Variants in FBXO5 observed in about 807,000 individuals in gnomAD.
FBXO5 encodes the protein F-box only protein 5.
In FBXO5, 8 loss-of-function variants were observed where a neutral mutation model predicts 43.3. The ratio of observed to expected loss-of-function variants is 0.18; its 90% confidence interval spans 0.11 to 0.33. FBXO5 has a LOEUF of 0.33. Ranked by LOEUF, FBXO5 falls within the 10% of genes least tolerant of loss-of-function variation. The probability of loss-of-function intolerance (pLI) is 1.00; values close to 1 mark genes in which losing one functional copy is unlikely to be tolerated. For missense variants in FBXO5, 491 were observed against 535.7 expected (o/e 0.92, Z 0.82); for synonymous variants, 204 against 193.7 (o/e 1.05, Z -0.44).
chr6:152,980,945 A>G (rs1180715398), intron 1 of FBXO5, among the ~76,000 whole-genome samples: 1 of 152,226 alleles, frequency 6.6e-6, no homozygotes, highest in African/African-American at 2.4e-5. Context: ...GGTCTAGTCA[A>G]TACAATCTAT....
Position 152,971,307 on chromosome 6 carries a change from G to A in FBXO5, c.1200C>T (p.Gly400=), listed in dbSNP as rs1261600200. ...YLQRATCKRE[G]CGFDYCTKCL... is the part of the protein sequence containing the mutation. Reference sequence around the variant, plus strand: ...ACTTCGTACAATAATCAAATCCACAGCCTTCTCGTTTGCAGGTTGCCCGTT... The same window carrying A: ...ACTTCGTACAATAATCAAATCCACAACCTTCTCGTTTGCAGGTTGCCCGTT... The change falls in exon 5 of 5, where the codon GGC becomes GGT. Residue 400 remains glycine, a synonymous_variant. Transcript: ENST00000229758. The A allele has an allele frequency of 6.2e-7, 1 of 1,613,914 alleles. No individual in the cohort carries two copies. The highest frequency in any genetic ancestry group is 1.7e-5 in the Admixed American group (1 of 59,994).
chr6:152,974,927 G>C lies in FBXO5; in HGVS notation c.798C>G (p.Leu266=). 1 of 1,602,778 alleles carries C rather than the reference G, an allele frequency of 6.2e-7. No homozygotes were observed. The highest frequency in any genetic ancestry group is 8.5e-7 in the Non-Finnish European group (1 of 1,175,798). The change falls in exon 2 of 5, where the codon CTC becomes CTG. Residue 266 remains leucine (L), a synonymous_variant. Coordinates refer to ENST00000229758, the MANE Select transcript of FBXO5 (RefSeq NM_012177.5). Reference sequence around the variant, plus strand: ...CTTACTTGATTAAGTCCATGTCACTGAGTTGTGCTAAAATAGTTGCTAAGA... The same window carrying C: ...CTTACTTGATTAAGTCCATGTCACTCAGTTGTGCTAAAATAGTTGCTAAGA... ...RHVLATILAQ[L]SDMDLINVSK...
chr6:152,971,655 A>G (rs575171678), intron 4 of FBXO5, among the ~76,000 whole-genome samples: 1 of 152,294 alleles, frequency 6.6e-6, no homozygotes, highest in Admixed American at 6.5e-5. Flanking sequence ...AAATTTAAGA[A>G]TAGTTTTATT....
At chr6:152,972,899 T>C (rs1046582844) in intron 3 of FBXO5, 147 bp downstream of exon 3, 1 of 477,616 alleles carries the variant, frequency 2.1e-6, no homozygotes, top group African/African-American at 2.5e-5. Context: ...TTTCTTTATT[T>C]TTGAATGTGG....
rs778056354 is a variant in FBXO5, at chr6:152,972,281, T to G, written c.1083A>C (p.Glu361Asp). 5 of 1,606,606 alleles carry G rather than the reference T, an allele frequency of 3.1e-6. No homozygotes were observed. Among genetic ancestry groups the G allele is most frequent in the Non-Finnish European group, 3.4e-6 (4 of 1,175,762 alleles). ...TTAGACAAAAAATTACCTCAGAGAATTCATTGTGTCGACTATAAGTAGAAC... is the reference window on the plus strand; with the variant it reads ...TTAGACAAAAAATTACCTCAGAGAAGTCATTGTGTCGACTATAAGTAGAAC... ...QKGSTYSRHNEFSEVAKTLKK... is the reference protein window; with the variant it reads ...QKGSTYSRHNDFSEVAKTLKK... Residue 361 changes from glutamate (E) to aspartate (D), a missense_variant, in exon 4 of 5, where the codon GAA becomes GAC. Physicochemically the swap from Glu to Asp is conservative, Grantham distance 45. Coordinates refer to ENST00000229758, the MANE Select transcript of FBXO5 (RefSeq NM_012177.5).
At chr6:152,983,098 G>T (rs914424439), upstream of FBXO5, 4 of 486,762 alleles carry the variant, frequency 8.2e-6, no homozygotes, top group East Asian at 1.4e-4. Flanking sequence ...GCCTAAATCC[G>T]CGCGGTCCAA....
chr6:152,983,332 T>C (rs1365626892), upstream of FBXO5: 1 of 200,082 alleles, frequency 5.0e-6, no homozygotes, highest in Non-Finnish European at 1.0e-5. Flanking sequence ...CTATCACGCA[T>C]GCGTGCGCCC....
At chr6:152,976,165 T>C (rs546058630) in intron 1 of FBXO5, among the ~76,000 whole-genome samples, 1 of 152,174 alleles carries the variant, frequency 6.6e-6, no homozygotes, top group Admixed American at 6.5e-5. Flanking sequence ...GAGGACAAGG[T>C]ATAAGGGTGG....
upstream of FBXO5, chr6:152,983,358 G>T (rs1778299175): frequency 1.1e-5 from 2 of 178,172 alleles, no homozygotes; most frequent in Non-Finnish European, 2.3e-5. Context: ...GATTCCTTCC[G>T]CCGTCTTCTG....
At chr6:152,972,878 T>A in intron 3 of FBXO5, 168 bp downstream of exon 3, 1 of 458,992 alleles carries the variant, frequency 2.2e-6, no homozygotes, top group Non-Finnish European at 3.8e-6. Context: ...GAAATAAATG[T>A]TGAGTTGAGA....
chr6:152,975,598 G>A lies in FBXO5; in HGVS notation c.127C>T (p.Leu43Phe), dbSNP rs147301320. 3.0e-5 allele frequency: 48 copies of A among 1,600,714 alleles called. No homozygotes were observed. Among genetic ancestry groups the A allele is most frequent in the Non-Finnish European group, 4.0e-5 (47 of 1,176,692 alleles). Residue 43 changes from leucine to phenylalanine, a missense_variant, in exon 2 of 5, where the codon CTT becomes TTT. Coordinates refer to ENST00000229758, the MANE Select transcript of FBXO5 (RefSeq NM_012177.5). ...AAATCACACTTCATTTTGACAGAAA[G>A]GGTAGAACTTTCTTCTTTACAACCT... ...SDSCKEESST[L>F]SVKMKCDFNC...
At chr6:152,979,298 T>G (rs1778227379) in intron 1 of FBXO5, among the ~76,000 whole-genome samples, 1 of 152,208 alleles carries the variant, frequency 6.6e-6, no homozygotes. Context: ...CTATGACAAT[T>G]TCCTTGTTTA....
Position 152,974,994 on chromosome 6 carries a change from A to C in FBXO5, c.731T>G (p.Val244Gly). The change falls in exon 2 of 5, where the codon GTA (valine) becomes GGA (glycine). Residue 244 changes from valine (V) to glycine (G), a missense_variant. Transcript: ENST00000229758. Reference sequence around the variant, plus strand: ...TCGAAAGAGTTCGCTGAGAATATCTACACATTCTAGGCCCATTTTTCTGCC... The same window carrying C: ...TCGAAAGAGTTCGCTGAGAATATCTCCACATTCTAGGCCCATTTTTCTGCC... ...IIGRKMGLEC[V>G]DILSELFRRG... 1 of 1,614,088 alleles carries C rather than the reference A, an allele frequency of 6.2e-7. No homozygotes were observed. The highest frequency in any genetic ancestry group is 8.5e-7 in the Non-Finnish European group (1 of 1,180,014).
chr6:152,975,745 TG>T, intron 1 of FBXO5, 124 bp from the exon 2 acceptor site: 1 of 613,268 alleles, frequency 1.6e-6, no homozygotes, highest in Non-Finnish European at 2.8e-6. Flanking sequence ...TACATGTACT[TG>T]CTTACATAGC....
intron 1 of FBXO5, among the ~76,000 whole-genome samples, chr6:152,979,084 A>G (rs1778221169): frequency 6.6e-6 from 1 of 152,238 alleles, no homozygotes; most frequent in African/African-American, 2.4e-5. Context: ...AGGATAGTGC[A>G]GAATTCCTGT....
In FBXO5 at chr6:152,982,881, C is replaced by T; in HGVS notation, c.79G>A (p.Ala27Thr). The T allele has an allele frequency of 1.3e-6, 2 of 1,512,112 alleles. No individual in the cohort carries two copies. The highest frequency in any genetic ancestry group is 1.2e-5 in the South Asian group (1 of 82,292). The allele number at this position is 1,512,112 out of a possible 1,614,324, so 93.7% of individuals were successfully genotyped here. ...CSASPSAVTA[A>T]GRPRPSDSCK... ...CTATCCGAGGGTCGAGGGCGCCCGG[C>T]GGCTGTCACTGCGCTGGGGCTGGCG... The change falls in exon 1 of 5, where the codon GCC becomes ACC. Residue 27 changes from alanine (A) to threonine (T), a missense_variant. Transcript: ENST00000229758.
upstream of FBXO5, chr6:152,983,226 C>A (rs914482649): frequency 1.1e-5 from 4 of 358,968 alleles, no homozygotes; most frequent in Admixed American, 4.7e-5. Context: ...AGCCCCCTTC[C>A]AGCTTACCGG....
chr6:152,974,910 A>T lies in FBXO5; in HGVS notation c.815T>A (p.Ile272Asn). The T allele has an allele frequency of 1.3e-6, 2 of 1,586,960 alleles. No individual in the cohort carries two copies. The highest frequency in any genetic ancestry group is 1.7e-6 in the Non-Finnish European group (2 of 1,169,400). Residue 272 changes from isoleucine (I) to asparagine (N), a missense_variant, in exon 2 of 5, where the codon ATC becomes AAC. By Grantham distance (149) the Ile-to-Asn change is moderately radical. Coordinates refer to ENST00000229758, the MANE Select transcript of FBXO5 (RefSeq NM_012177.5). ...ILAQLSDMDL[I>N]NVSKVSTTWK... ...GTATATTCAAAACAGTACTTACTTG[A>T]TTAAGTCCATGTCACTGAGTTGTGC...
intron 4 of FBXO5, among the ~76,000 whole-genome samples, chr6:152,971,813 C>T (rs1778090969): frequency 1.3e-5 from 2 of 152,122 alleles, no homozygotes; most frequent in Non-Finnish European, 2.9e-5. Context: ...TAATAGAAGG[C>T]CTTCAAGTTC....
Sources: allele counts gnomAD v4.1 joint callset (sites outside exome capture counted in the v4.1 genomes callset), GRCh38; gene constraint gnomAD v4.1.1; transcripts MANE v1.5; gene names NCBI Gene and HGNC (gene_info 2026-07-23, HGNC 2026-07-21).